The following DIAPH2 variants were observed in gnomAD, a reference collection of about 807,000 sequenced individuals.
The protein encoded by DIAPH2 is diaphanous related formin 2.
In DIAPH2, 35 loss-of-function variants were observed where a neutral mutation model predicts 92.7. That is an observed-to-expected ratio of 0.38 (90% CI 0.29 to 0.50). The LOEUF (loss-of-function observed/expected upper bound fraction) is 0.50, where lower values mean the gene tolerates loss of function less well. Among genes scored for constraint, DIAPH2 ranks in the 20% least tolerant of loss-of-function variants. DIAPH2 has a pLI of 0.94. For synonymous variants in DIAPH2, 301 were observed against 280.4 expected, an observed-to-expected ratio of 1.07 and a Z score of -0.73; for missense variants, 701 against 819.5, an observed-to-expected ratio of 0.86 and a Z score of 1.77.
chrX:97,458,305 C>CTTT (rs199660141), intron 26 of DIAPH2, among the ~76,000 whole-genome samples: 2 of 92,179 alleles, frequency 2.2e-5, no homozygotes, highest in Non-Finnish European at 4.3e-5. Flanking sequence ...TTCTTTCGTT[C>CTTT]TTTTTTTTTT....
chrX:97,517,071 A>ACATAGTGATGGAGTC (rs1350887192), intron 26 of DIAPH2, among the ~76,000 whole-genome samples: 2 of 112,007 alleles, frequency 1.8e-5, no homozygotes, highest in Non-Finnish European at 3.8e-5. Context: ...CTGTCACCTC[A>ACATAGTGATGGAGTC]CATAGTGATG....
intron 23 of DIAPH2, among the ~76,000 whole-genome samples, chrX:97,324,177 G>A (rs1602508538): frequency 9.0e-6 from 1 of 111,729 alleles, no homozygotes; most frequent in Non-Finnish European, 1.9e-5. Flanking sequence ...CTGTGGTTCT[G>A]GCAAGGCTTC....
intron 17 of DIAPH2, among the ~76,000 whole-genome samples, chrX:97,047,458 AAAAT>A (rs970066051): frequency 1.9e-5 from 2 of 105,809 alleles, no homozygotes; most frequent in Non-Finnish European, 3.9e-5. Context: ...TTCATGTTTT[AAAAT>A]AAATATATAT....
At chrX:97,248,815 C>G (rs919576993) in intron 23 of DIAPH2, among the ~76,000 whole-genome samples, 1 of 111,312 alleles carries the variant, frequency 9.0e-6, no homozygotes, top group Non-Finnish European at 1.9e-5. Context: ...GTGCTGAACT[C>G]GAATTACTTA....
rs1179736661 is a variant in DIAPH2, at chrX:97,478,869, A to G, written c.3241+49124A>G. ...GTTAAATCTTTAGTTAGGTTATGGT[A>G]GAATGCCGTGGTACCTCATTGTTCT... On this transcript the variant is annotated intron_variant, in intron 26 of 26. Transcript: ENST00000324765. Among the ~76,000 whole-genome samples, 3 of 111,851 alleles carry G rather than the reference A, an allele frequency of 2.7e-5. No individual in the cohort carries two copies. The East Asian group carries it at 8.4e-4, about 31-fold the overall frequency.
At chrX:97,401,918 TTTAG>T (rs2069761558) in intron 25 of DIAPH2, among the ~76,000 whole-genome samples, 1 of 112,575 alleles carries the variant, frequency 8.9e-6, no homozygotes, top group African/African-American at 3.2e-5. Flanking sequence ...GAACATTGTT[TTTAG>T]TTAAATATTA....
At chrX:97,577,240 G>A (rs1035688014) in intron 26 of DIAPH2, among the ~76,000 whole-genome samples, 2 of 112,066 alleles carry the variant, frequency 1.8e-5, no homozygotes, top group Non-Finnish European at 3.8e-5. Flanking sequence ...TTATTGTCCT[G>A]CACGAATATG....
At chrX:97,033,216 G>A (rs1047886585) in intron 17 of DIAPH2, among the ~76,000 whole-genome samples, 2 of 112,031 alleles carry the variant, frequency 1.8e-5, no homozygotes, top group African/African-American at 3.2e-5. Context: ...TATCCATTCC[G>A]TGTCAAGAAA....
intron 26 of DIAPH2, among the ~76,000 whole-genome samples, chrX:97,588,996 A>AATATATTTATATATAT (rs2071496808): frequency 3.2e-5 from 1 of 31,721 alleles, no homozygotes; most frequent in Non-Finnish European, 6.5e-5. Flanking sequence ...ATATTATAGA[A>AATATATTTATATATAT]ATATATATAT....
intron 23 of DIAPH2, among the ~76,000 whole-genome samples, chrX:97,274,006 GGTGTGTGTGTGT>G (rs55778849): frequency 1.2e-3 from 100 of 86,723 alleles, no homozygotes; most frequent in African/African-American, 3.1e-3. Flanking sequence ...TAAAACTAGC[GGTGTGTGTGTGT>G]GTGTGTGTGT....
rs778791592 is a variant in DIAPH2, at chrX:97,287,443, AAG to A, written c.2844+39607_2844+39608del. On this transcript the variant is annotated intron_variant, in intron 23 of 26. Transcript: ENST00000324765. ...ATATTGCCAATCACTGAAAAATGCGAAGAGTCAAATTTTAATATCTAGTTACA... is the reference window on the plus strand; with the variant it reads ...ATATTGCCAATCACTGAAAAATGCGAAGTCAAATTTTAATATCTAGTTACA... 3.7e-4 allele frequency among the ~76,000 whole-genome samples: 41 copies of A among 111,821 alleles called. No homozygotes were observed. In the South Asian group the frequency reaches 0.015, roughly 42 times the overall value.
intron 21 of DIAPH2, among the ~76,000 whole-genome samples, chrX:97,122,939 A>G (rs752981557): frequency 8.9e-6 from 1 of 111,835 alleles, no homozygotes; most frequent in South Asian, 3.7e-4. Flanking sequence ...TGGTATTTGC[A>G]TTTAAAAATG....
At chrX:97,238,973 G>A (rs1602440657) in intron 22 of DIAPH2, among the ~76,000 whole-genome samples, 1 of 111,751 alleles carries the variant, frequency 8.9e-6, no homozygotes, top group Admixed American at 9.6e-5. Context: ...TTCACATATA[G>A]ACTTGCAAGA....
chrX:96,876,677 G>T (rs749873535), intron 4 of DIAPH2, among the ~76,000 whole-genome samples: 2 of 108,435 alleles, frequency 1.8e-5, no homozygotes, highest in African/African-American at 3.4e-5. Context: ...ACCAAACATC[G>T]CATGTTCTCA....
intron 24 of DIAPH2, among the ~76,000 whole-genome samples, chrX:97,355,881 C>A (rs2069261790): frequency 8.9e-6 from 1 of 111,784 alleles, no homozygotes; most frequent in African/African-American, 3.3e-5. Flanking sequence ...CAACTGAGTG[C>A]CTTTATTCTA....
chrX:97,508,158 A>G (rs1334018728), intron 26 of DIAPH2, among the ~76,000 whole-genome samples: 1 of 111,323 alleles, frequency 9.0e-6, no homozygotes, highest in East Asian at 2.8e-4. Flanking sequence ...TTAGAAGTAA[A>G]TGAGATGTGA....
chrX:97,360,723 G>A (rs1230150722), intron 24 of DIAPH2, among the ~76,000 whole-genome samples: 1 of 112,177 alleles, frequency 8.9e-6, no homozygotes, highest in Non-Finnish European at 1.9e-5. Flanking sequence ...ATGGGTTGGT[G>A]TTCCCCAAAA....
intron 25 of DIAPH2, among the ~76,000 whole-genome samples, chrX:97,408,732 A>C (rs1176994086): frequency 8.9e-6 from 1 of 111,804 alleles, no homozygotes; most frequent in Non-Finnish European, 1.9e-5. Context: ...AAACTTGGCA[A>C]GTGTAAAGTA....
chrX:97,467,943 G>A (rs2070528238), intron 26 of DIAPH2, among the ~76,000 whole-genome samples: 1 of 111,623 alleles, frequency 9.0e-6, no homozygotes, highest in African/African-American at 3.3e-5. Context: ...CAGATCACTG[G>A]GGCTTAGGAG....
Sources: gnomAD v4.1 joint callset for allele counts (sites outside exome capture counted in the v4.1 genomes callset) on GRCh38, gnomAD v4.1.1 for gene constraint, MANE v1.5 for transcripts, NCBI Gene and HGNC (gene_info 2026-07-23, HGNC 2026-07-21) for gene names.